PCDHA2: variants seen among roughly 807,000 people sequenced by gnomAD.
The protein encoded by PCDHA2 is protocadherin alpha-2.
In PCDHA2, 58 loss-of-function variants were observed where a neutral mutation model predicts 66.0. The observed-to-expected ratio is 0.88, with a 90% CI of 0.71 to 1.09. The LOEUF (loss-of-function observed/expected upper bound fraction) is 1.09. Ranked by LOEUF, PCDHA2 falls within the 50% of genes least tolerant of loss-of-function variation. The probability of loss-of-function intolerance (pLI) is 0.00; values close to 1 mark genes in which losing one functional copy is unlikely to be tolerated. For missense variants in PCDHA2, 1,267 were observed against 1,242.3 expected, an observed-to-expected ratio of 1.02 and a Z score of -0.30; for synonymous variants, 634 against 554.0, an observed-to-expected ratio of 1.14 and a Z score of -2.03.
At position 140,868,885 on chromosome 5, in the gene PCDHA2, T is replaced by C. The variant is rs559907492; in HGVS notation, c.2388+71533T>C. 56 of 733,832 alleles carry C rather than the reference T, an allele frequency of 7.6e-5. 1 individual carries two copies. The highest frequency in any genetic ancestry group is 1.1e-4 in the Non-Finnish European group (52 of 469,948). The allele number at this position is 733,832 out of a possible 1,614,324, so 45.5% of individuals were successfully genotyped here. A position where few individuals can be genotyped will look rare whatever the true frequency, so the allele number is the denominator to read the frequency against. On this transcript the variant is annotated intron_variant, in intron 1 of 3. Transcript: ENST00000526136. ...ATGCAGTGCACAGTACTCACAGTTTTAGGCGCAAGGTGTCGCTCTTTACTT... is the reference window on the plus strand; with the variant it reads ...ATGCAGTGCACAGTACTCACAGTTTCAGGCGCAAGGTGTCGCTCTTTACTT...
chr5:140,915,918 T>A (rs1295505621), intron 1 of PCDHA2, among the ~76,000 whole-genome samples: 1 of 152,188 alleles, frequency 6.6e-6, no homozygotes, highest in Admixed American at 6.5e-5. Flanking sequence ...CCAGAGATGC[T>A]ACTTGGGAGT....
At chr5:140,877,091 C>G (rs782722834) in intron 1 of PCDHA2, 2 of 1,613,252 alleles carry the variant, frequency 1.2e-6, no homozygotes, top group African/African-American at 1.3e-5. Flanking sequence ...GCGCGCGACG[C>G]CGGCGTGCCG....
intron 1 of PCDHA2, among the ~76,000 whole-genome samples, chr5:140,971,892 G>C (rs2096504766): frequency 6.6e-6 from 1 of 151,694 alleles, no homozygotes; most frequent in African/African-American, 2.4e-5. Context: ...AGCTCAGGGA[G>C]GTTAGGTAAT....
intron 1 of PCDHA2, chr5:140,802,754 G>A (rs571219787): frequency 1.5e-5 from 24 of 1,612,526 alleles, no homozygotes; most frequent in African/African-American, 4.0e-5. Flanking sequence ...AGGTGTACGC[G>A]CTGCAGCCGC....
At chr5:140,922,858 G>C (rs1363202579) in intron 1 of PCDHA2, among the ~76,000 whole-genome samples, 1 of 152,124 alleles carries the variant, frequency 6.6e-6, no homozygotes, top group Non-Finnish European at 1.5e-5. Flanking sequence ...CAAATACATA[G>C]ACAAGGGGAA....
chr5:140,906,662 G>A (rs1186000828), intron 1 of PCDHA2, among the ~76,000 whole-genome samples: 1 of 152,200 alleles, frequency 6.6e-6, no homozygotes, highest in Non-Finnish European at 1.5e-5. Context: ...TCCTGGTGTA[G>A]TGACCCAAAC....
At chr5:140,928,201 G>C in intron 1 of PCDHA2, 1 of 1,614,242 alleles carries the variant, frequency 6.2e-7, no homozygotes, top group Non-Finnish European at 8.5e-7. Context: ...GTCAGTTGCT[G>C]ATGTGAATGA....
chr5:140,879,889 C>T (rs897508016), intron 1 of PCDHA2, among the ~76,000 whole-genome samples: 3 of 152,200 alleles, frequency 2.0e-5, no homozygotes, highest in Non-Finnish European at 4.4e-5. Context: ...GCCTCCTCCT[C>T]TCCATGTCTC....
intron 1 of PCDHA2, chr5:140,871,052 T>C (rs981101486): frequency 6.2e-7 from 1 of 1,613,156 alleles, no homozygotes; most frequent in Non-Finnish European, 8.5e-7. Flanking sequence ...CTAGTACTGG[T>C]GAAGGATCAC....
chr5:140,930,203 T>C (rs1486886896), intron 1 of PCDHA2: 6 of 152,202 alleles, frequency 3.9e-5, no homozygotes, highest in African/African-American at 1.4e-4. Flanking sequence ...ATGTCAGAAA[T>C]ATTTATGTGT....
At chr5:140,809,001 C>A in intron 1 of PCDHA2, 1 of 1,613,666 alleles carries the variant, frequency 6.2e-7, no homozygotes, top group Non-Finnish European at 8.5e-7. Context: ...GGCTACAACG[C>A]GTGGCTTTCG....
intron 1 of PCDHA2, chr5:140,803,939 C>A (rs1462764452): frequency 2.5e-6 from 1 of 397,924 alleles, no homozygotes; most frequent in Non-Finnish European, 4.5e-6. Flanking sequence ...TATCCCTATA[C>A]AATGCTTCTT....
chr5:140,882,577 C>G, intron 1 of PCDHA2: 3 of 1,614,238 alleles, frequency 1.9e-6, no homozygotes, highest in Non-Finnish European at 2.5e-6. Flanking sequence ...CGGAGTGCAG[C>G]ATCCACCTGG....
chr5:140,922,564 A>G (rs556829032), intron 1 of PCDHA2, among the ~76,000 whole-genome samples: 1 of 152,358 alleles, frequency 6.6e-6, no homozygotes, highest in South Asian at 2.1e-4. Context: ...AGTCAGGATG[A>G]CAAGTTGCCC....
At chr5:140,837,263 G>C (rs2150274412) in intron 1 of PCDHA2, 1 of 152,030 alleles carries the variant, frequency 6.6e-6, no homozygotes, top group East Asian at 1.9e-4. Flanking sequence ...TATCATATTT[G>C]TGTAGCACTG....
At chr5:140,877,686 G>C in intron 1 of PCDHA2, 1 of 1,613,818 alleles carries the variant, frequency 6.2e-7, no homozygotes, top group South Asian at 1.1e-5. Context: ...GCAAGCCCAC[G>C]CTGGTGTGCT....
At chr5:140,870,956 G>A (rs1554164932) in intron 1 of PCDHA2, 1 of 1,613,634 alleles carries the variant, frequency 6.2e-7, no homozygotes, top group Non-Finnish European at 8.5e-7. Context: ...GGCGGCTCGC[G>A]CATCCCGTTC....
chr5:140,961,007 T>C (rs2095583572), intron 1 of PCDHA2, among the ~76,000 whole-genome samples: 1 of 152,230 alleles, frequency 6.6e-6, no homozygotes, highest in Non-Finnish European at 1.5e-5. Context: ...GCTGCTGGAC[T>C]GCATGGACAC....
chr5:140,929,070 G>A lies in PCDHA2; in HGVS notation c.2389-49879G>A, dbSNP rs2085795989. 2.5e-6 allele frequency: 4 copies of A among 1,614,200 alleles called. No homozygotes were observed. The African/African-American group carries it at 5.3e-5, about 22-fold the overall frequency. ...GCTGTCGCTCTACAGAGGATCTGAG[G>A]TATGGAAGTAAGATGGTTTCAAATC... On this transcript the variant is annotated intron_variant, in intron 1 of 3. Coordinates refer to ENST00000526136, the MANE Select transcript of PCDHA2 (RefSeq NM_018905.3).
Sources: allele counts gnomAD v4.1 joint callset (sites outside exome capture counted in the v4.1 genomes callset), GRCh38; gene constraint gnomAD v4.1.1; transcripts MANE v1.5; gene names NCBI Gene and HGNC (gene_info 2026-07-23, HGNC 2026-07-21).